Variants in CDH12 observed in about 807,000 individuals in gnomAD.
CDH12 encodes cadherin 12.
Under a neutral mutation model 74.1 loss-of-function variants are expected in CDH12, and 41 were observed. The observed-to-expected ratio is 0.55, with a 90% CI of 0.43 to 0.72. The LOEUF (loss-of-function observed/expected upper bound fraction) is 0.72. Ranked by LOEUF, CDH12 falls within the 30% of genes least tolerant of loss-of-function variation. The probability of loss-of-function intolerance (pLI) is 0.00; values close to 1 mark genes in which losing one functional copy is unlikely to be tolerated. For missense variants in CDH12, 945 were observed against 977.2 expected (o/e 0.97, Z 0.44); for synonymous variants, 399 against 355.0 (o/e 1.12, Z -1.39).
intron 1 of CDH12, among the ~76,000 whole-genome samples, chr5:22,589,386 T>C (rs546921130): frequency 6.6e-6 from 1 of 152,124 alleles, no homozygotes; most frequent in Non-Finnish European, 1.5e-5. Flanking sequence ...TAAAAATCAA[T>C]GTTTGATGTT....
chr5:22,275,530 T>G (rs187776701), intron 3 of CDH12, among the ~76,000 whole-genome samples: 1 of 152,204 alleles, frequency 6.6e-6, no homozygotes, highest in African/African-American at 2.4e-5. Context: ...TTAAAATTAG[T>G]TTTGAGTCAT....
chr5:22,214,955 C>T (rs1751746164), intron 3 of CDH12, among the ~76,000 whole-genome samples: 2 of 152,122 alleles, frequency 1.3e-5, no homozygotes, highest in Non-Finnish European at 1.5e-5. Flanking sequence ...AAAGTACACA[C>T]ATGAAGAACA....
At chr5:22,706,531 CAATTTA>C (rs1743018184) in intron 1 of CDH12, among the ~76,000 whole-genome samples, 1 of 151,762 alleles carries the variant, frequency 6.6e-6, no homozygotes, top group Non-Finnish European at 1.5e-5. Flanking sequence ...ATTCCAAATT[CAATTTA>C]AATGTTGGCT....
At chr5:22,703,622 CA>C (rs1375614204) in intron 1 of CDH12, among the ~76,000 whole-genome samples, 2 of 151,984 alleles carry the variant, frequency 1.3e-5, no homozygotes, top group African/African-American at 4.8e-5. Context: ...AAAAATGTGG[CA>C]AAAAAATTAA....
At chr5:22,445,607 T>C (rs1744787095) in intron 2 of CDH12, among the ~76,000 whole-genome samples, 1 of 152,118 alleles carries the variant, frequency 6.6e-6, no homozygotes, top group Admixed American at 6.6e-5. Context: ...AAAAATAATG[T>C]TTTTATCTTG....
At chr5:21,842,060 CTAAG>C (rs1219473523) in intron 8 of CDH12, 97 bp downstream of exon 8, 11 of 881,890 alleles carry the variant, frequency 1.2e-5, no homozygotes, top group East Asian at 2.6e-5. Flanking sequence ...TTCCTAAAGA[CTAAG>C]TGTCTGGAAA....
At chr5:21,894,585 C>T (rs1753039912) in intron 6 of CDH12, among the ~76,000 whole-genome samples, 1 of 151,852 alleles carries the variant, frequency 6.6e-6, no homozygotes. Flanking sequence ...TACACAAATA[C>T]CCACAATAAA....
intron 1 of CDH12, among the ~76,000 whole-genome samples, chr5:22,773,153 T>C (rs1304691082): frequency 1.3e-5 from 2 of 152,064 alleles, no homozygotes; most frequent in South Asian, 4.1e-4. Flanking sequence ...GGAATAGCTA[T>C]TATAAAATTC....
At chr5:22,719,110 C>T (rs985370914) in intron 1 of CDH12, among the ~76,000 whole-genome samples, 1 of 152,144 alleles carries the variant, frequency 6.6e-6, no homozygotes, top group Admixed American at 6.6e-5. Flanking sequence ...CAGTTTATGG[C>T]TGCTATCTGA....
intron 2 of CDH12, among the ~76,000 whole-genome samples, chr5:22,493,055 T>G (rs1746953153): frequency 6.6e-6 from 1 of 152,202 alleles, no homozygotes; most frequent in Non-Finnish European, 1.5e-5. Flanking sequence ...TATGCCAAAC[T>G]TATCCCTCCT....
chr5:22,028,795 C>A (rs1236186424), intron 5 of CDH12, among the ~76,000 whole-genome samples: 1 of 152,148 alleles, frequency 6.6e-6, no homozygotes. Flanking sequence ...AAAGAGCCCG[C>A]ATCATCAAGA....
intron 1 of CDH12, among the ~76,000 whole-genome samples, chr5:22,721,529 G>A (rs974933637): frequency 6.6e-6 from 1 of 152,164 alleles, no homozygotes; most frequent in African/African-American, 2.4e-5. Context: ...CCTTGTCTCA[G>A]GTGAGACTTT....
intron 1 of CDH12, among the ~76,000 whole-genome samples, chr5:22,656,268 C>A (rs1172335230): frequency 6.6e-6 from 1 of 152,086 alleles, no homozygotes; most frequent in Non-Finnish European, 1.5e-5. Flanking sequence ...TTTATAAGGT[C>A]TTGCAATTTG....
intron 3 of CDH12, among the ~76,000 whole-genome samples, chr5:22,325,444 C>T (rs866665976): frequency 4.0e-5 from 6 of 151,896 alleles, no homozygotes; most frequent in South Asian, 2.1e-4. Context: ...TGTTGTATTC[C>T]GAAAGTAAAT....
chr5:22,091,697 T>C lies in CDH12; in HGVS notation c.-186-12835A>G, dbSNP rs114607875. ...CACGATAGTACAGCAATTGAAATGT[T>C]CATTCTAAAATTCATGTAGAAATGA... On this transcript the variant is annotated intron_variant, in intron 4 of 14. Transcript: ENST00000382254. Among the ~76,000 whole-genome samples the C allele has an allele frequency of 4.3e-3, 655 of 152,162 alleles. 7 individuals carry two copies. Among genetic ancestry groups the C allele is most frequent in the African/African-American group, 0.015 (628 of 41,562 alleles).
chr5:22,314,965 T>TTTTTTTC, intron 3 of CDH12, among the ~76,000 whole-genome samples: 1 of 72,058 alleles, frequency 1.4e-5, no homozygotes. Context: ...TTTTTTTTTT[T>TTTTTTTC]TTTTTTGAGA....
chr5:21,851,637 C>CA (rs1417248884), intron 7 of CDH12, among the ~76,000 whole-genome samples: 1 of 151,262 alleles, frequency 6.6e-6, no homozygotes, highest in South Asian at 2.1e-4. Flanking sequence ...GATTTTAACT[C>CA]AGAGTAAATT....
At chr5:22,712,666 T>TACA (rs1743348674) in intron 1 of CDH12, among the ~76,000 whole-genome samples, 1 of 152,282 alleles carries the variant, frequency 6.6e-6, no homozygotes, top group South Asian at 2.1e-4. Flanking sequence ...TTTTTGTCCT[T>TACA]ACAACAACCT....
At chr5:22,142,452 T>G (rs1483779965) in intron 4 of CDH12, 2 of 595,888 alleles carry the variant, frequency 3.4e-6, no homozygotes, top group Non-Finnish European at 6.5e-6. Flanking sequence ...AAACCTTATC[T>G]TGCACTAGAA....
Sources: gnomAD v4.1 joint callset for allele counts (sites outside exome capture counted in the v4.1 genomes callset) on GRCh38, gnomAD v4.1.1 for gene constraint, MANE v1.5 for transcripts, NCBI Gene and HGNC (gene_info 2026-07-23, HGNC 2026-07-21) for gene names.